The following IGSF11 variants were observed in gnomAD, a reference collection of about 807,000 sequenced individuals.
The protein encoded by IGSF11 is immunoglobulin superfamily member 11, also known as CXADR like 1.
Under a neutral mutation model 41.0 loss-of-function variants are expected in IGSF11, and 22 were observed. The ratio of observed to expected loss-of-function variants is 0.54; its 90% CI spans 0.38 to 0.77. IGSF11 has a LOEUF of 0.77. Ranked by LOEUF, IGSF11 falls within the 30% of genes least tolerant of loss-of-function variation. The probability of loss-of-function intolerance (pLI) is 0.00; values close to 1 mark genes in which losing one functional copy is unlikely to be tolerated. For synonymous variants in IGSF11, 219 were observed against 201.3 expected (o/e 1.09, Z -0.74); for missense variants, 444 against 530.8 (o/e 0.84, Z 1.61).
chr3:119,124,284 T>G (rs2077371977), intron 1 of IGSF11, among the ~76,000 whole-genome samples: 1 of 148,498 alleles, frequency 6.7e-6, no homozygotes, highest in African/African-American at 2.5e-5. Context: ...TTTTTTTTTT[T>G]TTTTTGAGAT....
intron 1 of IGSF11, among the ~76,000 whole-genome samples, chr3:119,140,566 CAGA>C (rs1236705735): frequency 3.3e-5 from 5 of 152,150 alleles, no homozygotes; most frequent in Admixed American, 6.5e-5. Flanking sequence ...ATCAACTAAG[CAGA>C]AGATCAACCA....
At chr3:119,113,198 C>T (rs2077207595) in intron 1 of IGSF11, among the ~76,000 whole-genome samples, 1 of 152,012 alleles carries the variant, frequency 6.6e-6, no homozygotes. Flanking sequence ...CACCCCTGGC[C>T]CCTCCCAAAT....
At chr3:118,982,672 T>G (rs1934855506) in intron 1 of IGSF11, among the ~76,000 whole-genome samples, 1 of 152,146 alleles carries the variant, frequency 6.6e-6, no homozygotes. Context: ...CCCTCCTCCT[T>G]AATATCATTA....
intron 1 of IGSF11, among the ~76,000 whole-genome samples, chr3:118,986,713 C>G (rs903971680): frequency 6.6e-6 from 1 of 152,006 alleles, no homozygotes; most frequent in Non-Finnish European, 1.5e-5. Context: ...GATTTTCTAG[C>G]TGGAAAGGAT....
intron 1 of IGSF11, among the ~76,000 whole-genome samples, chr3:119,057,658 T>C (rs1160382164): frequency 1.3e-5 from 2 of 152,234 alleles, no homozygotes; most frequent in African/African-American, 2.4e-5. Context: ...AGAACCCGCA[T>C]TGACAAGTCA....
chr3:118,959,801 A>T (rs1945210885), intron 1 of IGSF11, among the ~76,000 whole-genome samples: 1 of 152,124 alleles, frequency 6.6e-6, no homozygotes, highest in African/African-American at 2.4e-5. Flanking sequence ...GTAATCCAGC[A>T]CTTTGGGAGG....
intron 1 of IGSF11, among the ~76,000 whole-genome samples, chr3:119,065,203 T>A (rs1324509493): frequency 6.6e-6 from 1 of 152,168 alleles, no homozygotes; most frequent in Non-Finnish European, 1.5e-5. Flanking sequence ...GCCAAGATTT[T>A]AAAAAATCAT....
chr3:119,067,103 CTTTTTA>C (rs1942256176), intron 1 of IGSF11, among the ~76,000 whole-genome samples: 1 of 152,082 alleles, frequency 6.6e-6, no homozygotes, highest in East Asian at 1.9e-4. Flanking sequence ...AATCTAGTAG[CTTTTTA>C]TTGTATGCTA....
intron 1 of IGSF11, among the ~76,000 whole-genome samples, chr3:119,033,412 C>T (rs1940605373): frequency 6.6e-6 from 1 of 152,172 alleles, no homozygotes; most frequent in East Asian, 1.9e-4. Context: ...TTATTGTGTG[C>T]ACATCATCAC....
At chr3:119,033,750 C>A (rs1204895805) in intron 1 of IGSF11, among the ~76,000 whole-genome samples, 3 of 152,134 alleles carry the variant, frequency 2.0e-5, no homozygotes, top group African/African-American at 2.4e-5. Flanking sequence ...CTGGATTCCA[C>A]AGGAGAATGC....
At chr3:118,928,389 G>GA in intron 3 of IGSF11, 120 bp downstream of exon 3, 1 of 698,520 alleles carries the variant, frequency 1.4e-6, no homozygotes, top group Non-Finnish European at 2.5e-6. Flanking sequence ...ATGGAACTGA[G>GA]AGAAGACAGA....
At position 119,133,361 on chromosome 3, in the gene IGSF11, G is replaced by C. The variant is rs527442086; in HGVS notation, c.-14+12452C>G. On this transcript the variant is annotated intron_variant, in intron 1 of 7. Coordinates refer to the IGSF11 transcript ENST00000425327. Reference sequence around the variant, plus strand: ...AGAAAAGAGAGAAGAATCAAATAGGGGTGCAATAAAAAATGATAAAGGGGA... The same window carrying C: ...AGAAAAGAGAGAAGAATCAAATAGGCGTGCAATAAAAAATGATAAAGGGGA... Among the ~76,000 whole-genome samples, 23 of 151,812 alleles carry C rather than the reference G, an allele frequency of 1.5e-4. 1 individual carries two copies. The South Asian group carries it at 4.6e-3, about 30-fold the overall frequency.
intron 4 of IGSF11, among the ~76,000 whole-genome samples, chr3:118,916,932 T>A (rs1325338161): frequency 6.6e-6 from 1 of 151,962 alleles, no homozygotes; most frequent in Non-Finnish European, 1.5e-5. Context: ...GCAATCAAAC[T>A]AGAACTCAGG....
chr3:118,949,993 G>A (rs1422559540), intron 1 of IGSF11, among the ~76,000 whole-genome samples: 1 of 152,170 alleles, frequency 6.6e-6, no homozygotes, highest in Non-Finnish European at 1.5e-5. Context: ...AGGTTCTGCT[G>A]GAGAGGGGAA....
At chr3:119,109,448 T>C (rs9799240), upstream of IGSF11, among the ~76,000 whole-genome samples, 35,491 of 152,108 alleles carry the variant, frequency 0.23, 5,061 homozygotes, top group Middle Eastern at 0.38. Flanking sequence ...CCCTTTATCA[T>C]TTTTTATTGC....
At position 118,989,877 on chromosome 3, in the gene IGSF11, C is replaced by G. The variant is rs563214882; in HGVS notation, c.52+44654G>C. Among the ~76,000 whole-genome samples the G allele has an allele frequency of 1.4e-4, 21 of 152,144 alleles. No individual in the cohort carries two copies. The Middle Eastern group carries it at 0.01, about 74-fold the overall frequency. On this transcript the variant is annotated intron_variant, in intron 1 of 6. Coordinates refer to ENST00000393775, the MANE Select transcript of IGSF11 (RefSeq NM_001015887.3). ...ACAAACACAGATGAAAAGAAATGGC[C>G]TTTCGGATTTAAGAGAGGCTCTAAA...
chr3:119,037,037 G>A (rs1282526719), upstream of IGSF11, among the ~76,000 whole-genome samples: 1 of 152,188 alleles, frequency 6.6e-6, no homozygotes, highest in Non-Finnish European at 1.5e-5. Context: ...GCTGTACACA[G>A]AGGCTTCCAA....
At chr3:119,027,385 C>T (rs1247142011) in intron 1 of IGSF11, among the ~76,000 whole-genome samples, 1 of 152,122 alleles carries the variant, frequency 6.6e-6, no homozygotes, top group Non-Finnish European at 1.5e-5. Context: ...ACCAGATATT[C>T]TTCACATTTT....
chr3:119,084,514 G>A (rs1172541686), intron 1 of IGSF11, among the ~76,000 whole-genome samples: 1 of 152,154 alleles, frequency 6.6e-6, no homozygotes, highest in Non-Finnish European at 1.5e-5. Flanking sequence ...TAGTTCCAGT[G>A]GAGCCCAGCC....
Sources: allele counts gnomAD v4.1 joint callset (sites outside exome capture counted in the v4.1 genomes callset), GRCh38; gene constraint gnomAD v4.1.1; transcripts MANE v1.5; gene names NCBI Gene and HGNC (gene_info 2026-07-23, HGNC 2026-07-21).